DPP6: variants seen among roughly 807,000 people sequenced by gnomAD.
DPP6 encodes A-type potassium channel modulatory protein DPP6.
Under a neutral mutation model 122.6 loss-of-function variants are expected in DPP6, and 69 were observed. The ratio of observed to expected loss-of-function variants is 0.56; its 90% CI spans 0.46 to 0.69. The LOEUF (loss-of-function observed/expected upper bound fraction) is 0.69. DPP6 is among the 30% of genes least tolerant of loss of function. The pLI, the probability that DPP6 is intolerant of heterozygous loss-of-function variation, is 0.00. For synonymous variants in DPP6, 418 were observed against 433.1 expected, an observed-to-expected ratio of 0.97 and a Z score of 0.43; for missense variants, 928 against 1,116.9, an observed-to-expected ratio of 0.83 and a Z score of 2.41.
In DPP6 at chr7:154,760,152, A is replaced by T. The variant is rs1795443125; in HGVS notation, c.884-9265A>T. Among the ~76,000 whole-genome samples the T allele has an allele frequency of 6.6e-6, 1 of 152,162 alleles. No homozygotes were observed. Among genetic ancestry groups the T allele is most frequent in the South Asian group, 2.1e-4 (1 of 4,822 alleles). On this transcript the variant is annotated intron_variant, in intron 8 of 25. Transcript: ENST00000377770. The surrounding 1 kb of genome is among the most constrained non-coding windows in gnomAD (Gnocchi z 4.5). ...CAAAAAAAAGTCTATTCCCAAGGAG[A>T]CAGGCATCCAGCTCAACTCTGCCTC...
At chr7:153,857,322 TTCTCTCTCTCTCTCTCTCTCTCTC>T in the DPP6 span, among the ~76,000 whole-genome samples, 1 of 124,390 alleles carries the variant, frequency 8.0e-6, no homozygotes, top group Non-Finnish European at 1.7e-5. Context: ...CTCAAAGGTT[TTCTCTCTCTCTCTCTCTCTCTCTC>T]TCTCTCTCTC....
chr7:154,840,471 T>C (rs2150548956), intron 16 of DPP6, among the ~76,000 whole-genome samples: 1 of 152,326 alleles, frequency 6.6e-6, no homozygotes, highest in Middle Eastern at 3.4e-3. Context: ...AAAGCAAAGA[T>C]GGACTCCCAT....
intron 1 of DPP6, among the ~76,000 whole-genome samples, chr7:154,130,409 T>C (rs1158315055): frequency 6.6e-6 from 1 of 152,174 alleles, no homozygotes; most frequent in Non-Finnish European, 1.5e-5. Context: ...TCCTCATCTG[T>C]AGGATTATGT....
At chr7:153,885,263 G>T (rs1033628397), upstream of DPP6, among the ~76,000 whole-genome samples, 64 of 152,202 alleles carry the variant, frequency 4.2e-4, no homozygotes, top group Middle Eastern at 3.4e-3. Flanking sequence ...ATTCAACAGT[G>T]TAAGTGACCT....
chr7:154,663,892 G>A (rs1179006205), intron 6 of DPP6, among the ~76,000 whole-genome samples: 1 of 105,662 alleles, frequency 9.5e-6, no homozygotes, highest in African/African-American at 2.7e-5. Flanking sequence ...TGTTCATATA[G>A]TCATGGTGAA....
At chr7:154,496,692 C>T (rs1408571315) in intron 3 of DPP6, among the ~76,000 whole-genome samples, 6 of 152,164 alleles carry the variant, frequency 3.9e-5, no homozygotes, top group Admixed American at 1.3e-4. Flanking sequence ...TACCATCCAG[C>T]CTGCTGTGGA....
chr7:153,871,683 C>T, the DPP6 span, among the ~76,000 whole-genome samples: 1 of 152,182 alleles, frequency 6.6e-6, no homozygotes, highest in Non-Finnish European at 1.5e-5. Flanking sequence ...TGGCACTCCC[C>T]AGTGAGATGA....
intron 6 of DPP6, among the ~76,000 whole-genome samples, chr7:154,659,731 G>A (rs1459830045): frequency 6.6e-6 from 1 of 152,234 alleles, no homozygotes; most frequent in Non-Finnish European, 1.5e-5. Flanking sequence ...ACATCCTGGT[G>A]TTTTTGAAGA....
At chr7:153,806,040 C>A in the DPP6 span, among the ~76,000 whole-genome samples, 1 of 151,844 alleles carries the variant, frequency 6.6e-6, no homozygotes, top group South Asian at 2.1e-4. Flanking sequence ...TTTCCTCCCT[C>A]GTTTCATCTG....
At chr7:153,960,024 A>G (rs1795265946) in intron 1 of DPP6, among the ~76,000 whole-genome samples, 1 of 152,212 alleles carries the variant, frequency 6.6e-6, no homozygotes, top group Admixed American at 6.5e-5. Context: ...TAAGTTCAAT[A>G]TCAGTGTTGC....
At chr7:153,827,455 G>A in the DPP6 span, among the ~76,000 whole-genome samples, 1 of 152,138 alleles carries the variant, frequency 6.6e-6, no homozygotes, top group African/African-American at 2.4e-5. Context: ...AGGGAAGAAG[G>A]CAGACCACCT....
rs188620403 is a variant in DPP6, at chr7:154,736,834, A to G, written c.883+8947A>G. On this transcript the variant is annotated intron_variant, in intron 8 of 25. Coordinates refer to ENST00000377770, the MANE Select transcript of DPP6 (RefSeq NM_130797.4). ...AGTTAATTCACAGAGAGAAACTCAC[A>G]TATTCTAGGAACCTCCACAAGGAAA... Among the ~76,000 whole-genome samples, 1,191 of 152,378 alleles carry G rather than the reference A, an allele frequency of 7.8e-3. 12 individuals are homozygous for G. The highest frequency in any genetic ancestry group is 0.027 in the African/African-American group (1,112 of 41,588).
intron 1 of DPP6, among the ~76,000 whole-genome samples, chr7:154,307,071 G>A (rs1806413019): frequency 6.6e-6 from 1 of 152,160 alleles, no homozygotes; most frequent in African/African-American, 2.4e-5. Flanking sequence ...TTACGAAAGA[G>A]TGCATTGCTG....
At chr7:154,831,627 A>G (rs1195371683) in intron 16 of DPP6, among the ~76,000 whole-genome samples, 1 of 152,240 alleles carries the variant, frequency 6.6e-6, no homozygotes, top group Admixed American at 6.5e-5. Context: ...ATCTCTTGAA[A>G]TCAGACTTGG....
intron 16 of DPP6, among the ~76,000 whole-genome samples, chr7:154,839,496 G>A (rs1192687657): frequency 3.9e-5 from 6 of 152,234 alleles, no homozygotes; most frequent in East Asian, 1.9e-4. Context: ...AAATGGGGAC[G>A]TAGCGCCTCT....
chr7:154,221,473 T>C (rs942435975), intron 1 of DPP6, among the ~76,000 whole-genome samples: 12 of 152,146 alleles, frequency 7.9e-5, no homozygotes, highest in Non-Finnish European at 4.4e-5. Flanking sequence ...TAGGTTTCAA[T>C]ATATGAATCT....
intron 1 of DPP6, among the ~76,000 whole-genome samples, chr7:154,190,729 T>C (rs1223098618): frequency 2.0e-5 from 3 of 152,054 alleles, no homozygotes; most frequent in East Asian, 1.9e-4. Context: ...CCATTTTTTT[T>C]CCAAAAGCCT....
At chr7:154,662,554 AG>A (rs1837800006) in intron 6 of DPP6, among the ~76,000 whole-genome samples, 4 of 17,490 alleles carry the variant, frequency 2.3e-4, no homozygotes, top group African/African-American at 1.0e-3. Context: ...ATGGCGTATC[AG>A]CCGTAGTGTT....
At chr7:154,139,809 A>C (rs1230255859) in intron 1 of DPP6, among the ~76,000 whole-genome samples, 2 of 152,196 alleles carry the variant, frequency 1.3e-5, no homozygotes, top group Non-Finnish European at 2.9e-5. Flanking sequence ...GGAGCACTAC[A>C]ACTAAGAAGT....
Sources: allele counts gnomAD v4.1 joint callset (sites outside exome capture counted in the v4.1 genomes callset), GRCh38; gene constraint gnomAD v4.1.1; non-coding constraint Gnocchi (gnomAD v3.1); transcripts MANE v1.5; gene names NCBI Gene and HGNC (gene_info 2026-07-23, HGNC 2026-07-21).